Variants in PRKN observed in about 807,000 individuals in gnomAD.
PRKN encodes the protein E3 ubiquitin-protein ligase parkin.
Under a neutral mutation model 59.5 loss-of-function variants are expected in PRKN, and 56 were observed. The observed-to-expected ratio is 0.94, with a 90% CI of 0.76 to 1.18. The LOEUF is 1.18. Ranked by LOEUF, PRKN falls within the 50% of genes most tolerant of loss-of-function variation. The pLI is 0.00. For synonymous variants in PRKN, 250 were observed against 222.1 expected (o/e 1.13, Z -1.12); for missense variants, 657 against 596.4 (o/e 1.10, Z -1.06).
chr6:162,630,119 A>C (rs1008176838), intron 1 of PRKN, among the ~76,000 whole-genome samples: 1 of 152,192 alleles, frequency 6.6e-6, no homozygotes, highest in Non-Finnish European at 1.5e-5. Context: ...TTTTCGAATC[A>C]AACAAGTTCT....
rs1249200306 is a variant in PRKN, at chr6:161,582,892, C to T, written c.872-13476G>A. ...GTAGCTGATCCCAGCATAGGCCTGA[C>T]ATAGGAAAAAGACTATGGGAGCCCT... is the stretch of plus-strand genomic sequence containing the variant. On this transcript the variant is annotated intron_variant, in intron 7 of 11. Coordinates refer to ENST00000366898, the MANE Select transcript of PRKN (RefSeq NM_004562.3). The surrounding 1 kb of genome is among the most constrained non-coding windows in gnomAD (Gnocchi z 4.4). Among the ~76,000 whole-genome samples, 3 of 151,644 alleles carry T rather than the reference C, an allele frequency of 2.0e-5. No individual in the cohort carries two copies. Among genetic ancestry groups the T allele is most frequent in the East Asian group, 3.9e-4 (2 of 5,104 alleles).
chr6:162,388,922 A>G (rs1408936422), intron 2 of PRKN, among the ~76,000 whole-genome samples: 1 of 151,824 alleles, frequency 6.6e-6, no homozygotes, highest in Non-Finnish European at 1.5e-5. Context: ...AAAGTCCCTA[A>G]AAGAAAGTCA....
Position 161,357,038 on chromosome 6 carries a change from T to C in PRKN, c.1285+3050A>G, listed in dbSNP as rs1784784058. Among the ~76,000 whole-genome samples the C allele has an allele frequency of 6.7e-6, 1 of 148,170 alleles. No individual in the cohort carries two copies. The highest frequency in any genetic ancestry group is 1.5e-5 in the Non-Finnish European group (1 of 67,472). ...CAGAAAGCAACAGGTCCAGGTTCGC[T>C]GACCACTTCCTTTTTTTTTTTTTTT... On this transcript the variant is annotated intron_variant, in intron 11 of 11. Transcript: ENST00000366898. This position sits in a 1 kb window ranked among gnomAD's most constrained non-coding sequence, Gnocchi z 5.5.
In PRKN at chr6:161,376,750, T is replaced by C. The variant is rs986434961; in HGVS notation, c.1167+10044A>G. Among the ~76,000 whole-genome samples, 1 of 152,196 alleles carries C rather than the reference T, an allele frequency of 6.6e-6. No individual in the cohort carries two copies. Among genetic ancestry groups the C allele is most frequent in the African/African-American group, 2.4e-5 (1 of 41,466 alleles). On this transcript the variant is annotated intron_variant, in intron 10 of 11. Coordinates refer to ENST00000366898, the MANE Select transcript of PRKN (RefSeq NM_004562.3). This position sits in a 1 kb window ranked among gnomAD's most constrained non-coding sequence, Gnocchi z 7.3. ...CCTCAGTCTTCTGTGGCAACCGCAC[T>C]GCAGTGGGACTCCACCTCTGCCCAA...
At chr6:161,988,318 C>G (rs1476783080) in intron 5 of PRKN, among the ~76,000 whole-genome samples, 1 of 151,948 alleles carries the variant, frequency 6.6e-6, no homozygotes, top group Non-Finnish European at 1.5e-5. Context: ...GAAAACCCGT[C>G]TCTACTAAAA....
At chr6:162,704,590 T>C (rs895815997) in intron 1 of PRKN, among the ~76,000 whole-genome samples, 1 of 152,218 alleles carries the variant, frequency 6.6e-6, no homozygotes, top group South Asian at 2.1e-4. Flanking sequence ...ACATGCACCT[T>C]AAATGTGACT....
intron 5 of PRKN, among the ~76,000 whole-genome samples, chr6:161,998,296 T>G (rs73785306): frequency 0.053 from 8,074 of 152,118 alleles, 766 homozygotes; most frequent in African/African-American, 0.19. Flanking sequence ...TCATAAATCT[T>G]TATTCGTGCT....
chr6:161,735,490 G>C (rs1369557315), intron 7 of PRKN, among the ~76,000 whole-genome samples: 1 of 152,150 alleles, frequency 6.6e-6, no homozygotes, highest in African/African-American at 2.4e-5. Flanking sequence ...CATCAGTAAG[G>C]TTTTCAATGA....
intron 6 of PRKN, among the ~76,000 whole-genome samples, chr6:161,907,210 T>C (rs1368774587): frequency 6.6e-6 from 1 of 152,228 alleles, no homozygotes; most frequent in Non-Finnish European, 1.5e-5. Flanking sequence ...GTATTTCATT[T>C]TGGAGAACAT....
chr6:161,356,087 G>T lies in PRKN; in HGVS notation c.1285+4001C>A, dbSNP rs191365282. On this transcript the variant is annotated intron_variant, in intron 11 of 11. Coordinates refer to ENST00000366898, the MANE Select transcript of PRKN (RefSeq NM_004562.3). This position sits in a 1 kb window ranked among gnomAD's most constrained non-coding sequence, Gnocchi z 7.8. ...GTGGGTTGGGTATTATGACCAACCA[G>T]TAGTCATGGGACATGAGCTCTCCGG... Among the ~76,000 whole-genome samples, 1 of 152,352 alleles carries T rather than the reference G, an allele frequency of 6.6e-6. No individual in the cohort carries two copies. Among genetic ancestry groups the T allele is most frequent in the East Asian group, 1.9e-4 (1 of 5,186 alleles).
intron 7 of PRKN, among the ~76,000 whole-genome samples, chr6:161,761,112 A>G (rs1789181602): frequency 6.6e-6 from 1 of 152,234 alleles, no homozygotes; most frequent in South Asian, 2.1e-4. Flanking sequence ...TCCCAGTCCT[A>G]AGGTATTATG....
intron 2 of PRKN, among the ~76,000 whole-genome samples, chr6:162,337,272 A>G (rs746189969): frequency 2.0e-4 from 31 of 152,218 alleles, no homozygotes; most frequent in Non-Finnish European, 3.8e-4. Context: ...CCAAAATAAC[A>G]GTTAAGAAAA....
intron 9 of PRKN, among the ~76,000 whole-genome samples, chr6:161,434,348 A>C (rs954320331): frequency 3.3e-5 from 5 of 152,130 alleles, no homozygotes; most frequent in Non-Finnish European, 5.9e-5. Context: ...TTCCTCTGCC[A>C]TTATCCCAGG....
intron 3 of PRKN, 26 bp from the exon 4 acceptor site, chr6:162,201,278 G>A: frequency 1.9e-6 from 3 of 1,611,298 alleles, no homozygotes; most frequent in South Asian, 2.2e-5. Flanking sequence ...CAGAAGAAGT[G>A]GCTAATAATG....
chr6:161,494,877 C>T (rs1009561335), intron 9 of PRKN, among the ~76,000 whole-genome samples: 3 of 152,154 alleles, frequency 2.0e-5, no homozygotes, highest in African/African-American at 7.2e-5. Context: ...CCAGCCTTTC[C>T]CCAGTCTTCT....
intron 7 of PRKN, among the ~76,000 whole-genome samples, chr6:161,745,339 G>C (rs998712454): frequency 6.6e-6 from 1 of 152,190 alleles, no homozygotes; most frequent in Non-Finnish European, 1.5e-5. Context: ...GAGTAGTTCT[G>C]AGCAAGGCTG....
chr6:162,421,165 G>A (rs1788940697), intron 2 of PRKN, among the ~76,000 whole-genome samples: 1 of 152,156 alleles, frequency 6.6e-6, no homozygotes, highest in African/African-American at 2.4e-5. Context: ...AGGCTTACTT[G>A]GAAATCTTAT....
At chr6:161,843,843 G>T (rs1411312327) in intron 6 of PRKN, among the ~76,000 whole-genome samples, 4 of 152,002 alleles carry the variant, frequency 2.6e-5, no homozygotes, top group Non-Finnish European at 2.9e-5. Context: ...GTACAGCTAC[G>T]ATCATGTTGG....
chr6:162,339,549 G>A (rs1397632510), intron 2 of PRKN, among the ~76,000 whole-genome samples: 22 of 144,570 alleles, frequency 1.5e-4, no homozygotes, highest in South Asian at 1.3e-3. Flanking sequence ...CAGCCGCCCC[G>A]TCCGGGAGGT....
Sources: gnomAD v4.1 joint callset for allele counts (sites outside exome capture counted in the v4.1 genomes callset) on GRCh38, gnomAD v4.1.1 for gene constraint, Gnocchi (gnomAD v3.1) non-coding constraint, MANE v1.5 for transcripts, NCBI Gene and HGNC (gene_info 2026-07-23, HGNC 2026-07-21) for gene names.